EPB41L4A: variants seen among roughly 807,000 people sequenced by gnomAD.
EPB41L4A encodes erythrocyte membrane protein band 4.1 like 4A.
A neutral mutation model predicts 108.6 loss-of-function variants in EPB41L4A; 100 were observed. That is an observed-to-expected ratio of 0.92 (90% CI 0.78 to 1.09). EPB41L4A has a LOEUF of 1.09. Ranked by LOEUF, EPB41L4A falls within the 50% of genes least tolerant of loss-of-function variation. The pLI, the probability that EPB41L4A is intolerant of heterozygous loss-of-function variation, is 0.00. For missense variants in EPB41L4A, 1,030 were observed against 842.7 expected, an observed-to-expected ratio of 1.22 and a Z score of -2.75; for synonymous variants, 319 against 289.0, an observed-to-expected ratio of 1.10 and a Z score of -1.05.
intron 1 of EPB41L4A, among the ~76,000 whole-genome samples, chr5:112,354,726 A>C (rs1758264374): frequency 6.6e-6 from 1 of 152,186 alleles, no homozygotes; most frequent in Admixed American, 6.5e-5. Context: ...TTCCACAGTA[A>C]TAGTCATTTC....
intron 1 of EPB41L4A, among the ~76,000 whole-genome samples, chr5:112,343,661 A>T (rs768877561): frequency 6.6e-6 from 1 of 151,988 alleles, no homozygotes; most frequent in Non-Finnish European, 1.5e-5. Flanking sequence ...CTTGGCTTTT[A>T]ACTCAGTTTA....
At chr5:112,367,148 T>G (rs910739313) in intron 1 of EPB41L4A, among the ~76,000 whole-genome samples, 1 of 152,142 alleles carries the variant, frequency 6.6e-6, no homozygotes, top group African/African-American at 2.4e-5. Context: ...AGGCTCCTCT[T>G]TCAACAGCCG....
Position 112,315,776 on chromosome 5 carries a change from G to A in EPB41L4A, c.100-8286C>T, listed in dbSNP as rs192631718. Among the ~76,000 whole-genome samples the A allele has an allele frequency of 4.0e-5, 6 of 151,644 alleles. No individual in the cohort carries two copies. In the East Asian group the frequency reaches 9.7e-4, roughly 24 times the overall value. ...GAAATTTTTATGCAATAAAAATAAA[G>A]ATTATGCAAAAAAAATCTGACAGAA... is the stretch of plus-strand genomic sequence containing the variant. On this transcript the variant is annotated intron_variant, in intron 1 of 22. Coordinates refer to ENST00000261486, the MANE Select transcript of EPB41L4A (RefSeq NM_022140.5).
chr5:112,322,352 G>A (rs1755837202), intron 1 of EPB41L4A, among the ~76,000 whole-genome samples: 1 of 152,182 alleles, frequency 6.6e-6, no homozygotes, highest in Non-Finnish European at 1.5e-5. Context: ...GCTCTAACAT[G>A]CACTCATATT....
At chr5:112,377,997 G>C (rs1210780424) in intron 1 of EPB41L4A, among the ~76,000 whole-genome samples, 2 of 152,188 alleles carry the variant, frequency 1.3e-5, no homozygotes, top group African/African-American at 4.8e-5. Flanking sequence ...AACTCTGAAT[G>C]CATAAACACC....
chr5:112,220,529 C>G (rs1282289629), intron 12 of EPB41L4A, among the ~76,000 whole-genome samples: 2 of 152,154 alleles, frequency 1.3e-5, no homozygotes, highest in Non-Finnish European at 2.9e-5. Flanking sequence ...AGTATGTATA[C>G]TACCACAGGA....
intron 1 of EPB41L4A, among the ~76,000 whole-genome samples, chr5:112,324,142 AG>A (rs1413504641): frequency 6.6e-6 from 1 of 152,240 alleles, no homozygotes; most frequent in East Asian, 1.9e-4. Context: ...CAACATAAGC[AG>A]GAATTTACAA....
At chr5:112,264,745 T>C in intron 6 of EPB41L4A, 151 bp downstream of exon 6, 2 of 671,778 alleles carry the variant, frequency 3.0e-6, no homozygotes, top group Non-Finnish European at 4.5e-6. Context: ...ATGAGCATTT[T>C]AGAGTTAAAA....
intron 17 of EPB41L4A, among the ~76,000 whole-genome samples, chr5:112,188,094 C>T (rs1375627023): frequency 6.6e-6 from 1 of 152,228 alleles, no homozygotes; most frequent in Non-Finnish European, 1.5e-5. Flanking sequence ...CATAACATTC[C>T]AGACAATTGC....
intron 2 of EPB41L4A, among the ~76,000 whole-genome samples, chr5:112,282,707 T>C (rs1753045192): frequency 6.6e-6 from 1 of 152,140 alleles, no homozygotes; most frequent in Admixed American, 6.5e-5. Context: ...TTTCACGCCC[T>C]ACGCTACACT....
intron 4 of EPB41L4A, among the ~76,000 whole-genome samples, chr5:112,271,100 A>G (rs142418178): frequency 2.0e-5 from 3 of 152,272 alleles, no homozygotes; most frequent in Non-Finnish European, 2.9e-5. Context: ...TACTCAGCAC[A>G]CTGTAACATG....
intron 1 of EPB41L4A, among the ~76,000 whole-genome samples, chr5:112,322,020 G>C (rs1392287449): frequency 6.6e-6 from 1 of 152,116 alleles, no homozygotes; most frequent in Non-Finnish European, 1.5e-5. Flanking sequence ...GTCATAATCA[G>C]ATAAAATAAT....
chr5:112,191,416 C>T (rs965045138), intron 17 of EPB41L4A, among the ~76,000 whole-genome samples: 1 of 152,196 alleles, frequency 6.6e-6, no homozygotes, highest in Non-Finnish European at 1.5e-5. Flanking sequence ...TTGCTTCTAA[C>T]ATTAGCCTTC....
At chr5:112,322,354 A>C (rs1054320148) in intron 1 of EPB41L4A, among the ~76,000 whole-genome samples, 1 of 152,224 alleles carries the variant, frequency 6.6e-6, no homozygotes, top group African/African-American at 2.4e-5. Flanking sequence ...TCTAACATGC[A>C]CTCATATTTT....
chr5:112,348,378 C>T (rs1433593384), intron 1 of EPB41L4A, among the ~76,000 whole-genome samples: 1 of 152,166 alleles, frequency 6.6e-6, no homozygotes, highest in African/African-American at 2.4e-5. Flanking sequence ...AGAACACAGT[C>T]CTCAAATTTC....
At chr5:112,149,980 T>A (rs918487475) in intron 12 of EPB41L4A, among the ~76,000 whole-genome samples, 9 of 152,096 alleles carry the variant, frequency 5.9e-5, no homozygotes, top group African/African-American at 1.7e-4. Context: ...AAAGGTAACA[T>A]CCTCAGTAAG....
At chr5:112,241,324 T>C (rs1749768691) in intron 9 of EPB41L4A, among the ~76,000 whole-genome samples, 1 of 152,174 alleles carries the variant, frequency 6.6e-6, no homozygotes, top group African/African-American at 2.4e-5. Flanking sequence ...TGATGCCATG[T>C]CTCTCCATCC....
chr5:112,239,637 C>G (rs767463947), intron 11 of EPB41L4A, 23 bp downstream of exon 11: 9 of 1,514,194 alleles, frequency 5.9e-6, no homozygotes, highest in Non-Finnish European at 8.1e-6. Flanking sequence ...ACACATCCCC[C>G]CAAGGAAAAA....
intron 1 of EPB41L4A, among the ~76,000 whole-genome samples, chr5:112,314,525 AAAAAAAAAAAAAAG>A (rs1285552564): frequency 2.6e-4 from 35 of 132,198 alleles, no homozygotes; most frequent in Admixed American, 4.5e-4. Context: ...AAAAAAAAAA[AAAAAAAAAAAAAAG>A]AAAAGAAATT....
Sources: gnomAD v4.1 joint callset for allele counts (sites outside exome capture counted in the v4.1 genomes callset) on GRCh38, gnomAD v4.1.1 for gene constraint, MANE v1.5 for transcripts, NCBI Gene and HGNC (gene_info 2026-07-23, HGNC 2026-07-21) for gene names.